Variants in CCDC57 observed in about 807,000 individuals in gnomAD.
CCDC57 encodes coiled-coil domain containing 57, also known as coiled-coil domain-containing protein 57.
In CCDC57, 118 loss-of-function variants were observed where a neutral mutation model predicts 118.9. The ratio of observed to expected loss-of-function variants is 0.99; its 90% CI spans 0.86 to 1.16. The LOEUF (loss-of-function observed/expected upper bound fraction) is 1.16, where lower values mean the gene tolerates loss of function less well. Among genes scored for constraint, CCDC57 ranks in the 50% most tolerant of loss-of-function variants. CCDC57 has a pLI of 0.00. For synonymous variants in CCDC57, 527 were observed against 532.9 expected (o/e 0.99, Z 0.15); for missense variants, 1,300 against 1,320.7 (o/e 0.98, Z 0.24).
At chr17:82,208,558 T>C (rs1415464163) in intron 1 of CCDC57, among the ~76,000 whole-genome samples, 1 of 152,196 alleles carries the variant, frequency 6.6e-6, no homozygotes, top group African/African-American at 2.4e-5. Context: ...CCTGGCCTAA[T>C]ACCCTTAACT....
chr17:82,127,467 T>G, intron 19 of CCDC57: 2 of 985,358 alleles, frequency 2.0e-6, no homozygotes, highest in Non-Finnish European at 2.4e-6. Context: ...GGTGCTGCAC[T>G]AGGAAATGGC....
At chr17:82,164,190 A>G (rs753940999) in intron 13 of CCDC57, among the ~76,000 whole-genome samples, 2 of 152,124 alleles carry the variant, frequency 1.3e-5, no homozygotes, top group Admixed American at 6.5e-5. Context: ...AACCTGGCCA[A>G]TGTGGCAAAA....
chr17:82,200,023 G>A (rs745859039), intron 3 of CCDC57, among the ~76,000 whole-genome samples: 2 of 152,194 alleles, frequency 1.3e-5, no homozygotes, highest in East Asian at 1.9e-4. Flanking sequence ...CGATCCCTGC[G>A]GGCTGCTACA....
At chr17:82,117,576 G>C (rs997999682) in intron 19 of CCDC57, among the ~76,000 whole-genome samples, 1 of 152,118 alleles carries the variant, frequency 6.6e-6, no homozygotes, top group African/African-American at 2.4e-5. Flanking sequence ...AGGTTGAGAA[G>C]CCTGGGAGGT....
At chr17:82,198,497 T>C in intron 3 of CCDC57, 75 bp from the exon 3 acceptor site, 2 of 1,037,394 alleles carry the variant, frequency 1.9e-6, no homozygotes, top group Non-Finnish European at 2.9e-6. Flanking sequence ...AAGGTGCACT[T>C]GACATGTGAA....
intron 14 of CCDC57, chr17:82,160,097 T>C (rs1340705354): frequency 6.6e-6 from 1 of 151,942 alleles, no homozygotes; most frequent in African/African-American, 2.4e-5. Flanking sequence ...TCTAGAGAGA[T>C]GTTCTGCGTT....
intron 9 of CCDC57, among the ~76,000 whole-genome samples, chr17:82,182,281 C>CAA (rs35054649): frequency 2.0e-3 from 259 of 127,108 alleles, no homozygotes; most frequent in African/African-American, 5.6e-3. Flanking sequence ...AAGTATTTAA[C>CAA]AAAAAAAAAA....
At position 82,118,715 on chromosome 17, in the gene CCDC57, G is replaced by A. The variant is rs1176133047; in HGVS notation, c.2899+8977C>T. 1.3e-5 allele frequency among the ~76,000 whole-genome samples: 2 copies of A among 152,132 alleles called. No homozygotes were observed. Among genetic ancestry groups the A allele is most frequent in the Non-Finnish European group, 1.5e-5 (1 of 68,020 alleles). On this transcript the variant is annotated intron_variant, in intron 19 of 19. Coordinates refer to ENST00000665763, the Ensembl canonical transcript of CCDC57. This position sits in a 1 kb window ranked among gnomAD's most constrained non-coding sequence, Gnocchi z 4.7. ...CTTAGGGAGAGCTTCCGTCCGCACTGGGTGCCACTCAGTCTGCCGCGCTTT... is the reference window on the plus strand; with the variant it reads ...CTTAGGGAGAGCTTCCGTCCGCACTAGGTGCCACTCAGTCTGCCGCGCTTT...
chr17:82,157,553 C>T (rs1279884347), intron 15 of CCDC57, 195 bp downstream of exon 14: 4 of 1,430,048 alleles, frequency 2.8e-6, no homozygotes, highest in Admixed American at 2.9e-5. Context: ...GAAGAGGAGG[C>T]GTGTGGAGGA....
At chr17:82,128,001 C>T in intron 18 of CCDC57, 93 bp from the exon 18 acceptor site, 8 of 1,513,008 alleles carry the variant, frequency 5.3e-6, no homozygotes, top group Admixed American at 2.5e-5. Context: ...AGCAGTAAGG[C>T]GACAGTGGGC....
intron 16 of CCDC57, among the ~76,000 whole-genome samples, chr17:82,137,834 TG>T (rs1173299469): frequency 6.6e-6 from 1 of 151,166 alleles, no homozygotes; most frequent in Non-Finnish European, 1.5e-5. Context: ...CCACCATGCC[TG>T]GCTAATTTTT....
chr17:82,179,059 G>A lies in CCDC57; in HGVS notation c.1342C>T (p.Leu448=), dbSNP rs578044016. The change falls in exon 10 of 20, where the codon CTG becomes TTG. Residue 448 remains leucine, a synonymous_variant. Transcript: ENST00000665763. ...TTTGCCATGCTCAGACCCTGAATCA[G>A]GGCCTCTGACTTTTGGATCTGGTCC... The A allele has an allele frequency of 5.0e-6, 8 of 1,613,952 alleles. No homozygotes were observed. In the African/African-American group the frequency reaches 1.1e-4, roughly 22 times the overall value.
At chr17:82,103,780 T>C (rs527646486) in intron 19 of CCDC57, among the ~76,000 whole-genome samples, 1 of 152,206 alleles carries the variant, frequency 6.6e-6, no homozygotes, top group African/African-American at 2.4e-5. Flanking sequence ...ACCCTGGCTG[T>C]ATCCCGGGGC....
exon 7 of CCDC57, chr17:82,193,782 C>A: frequency 1.9e-6 from 3 of 1,601,442 alleles, no homozygotes; most frequent in Non-Finnish European, 1.7e-6. Context: ...CCTCTTCCTT[C>A]TTCCTGGTTA....
At chr17:82,171,844 A>G (rs1568352685) in exon 13 of CCDC57, 2 of 1,612,814 alleles carry the variant, frequency 1.2e-6, no homozygotes, top group Non-Finnish European at 1.7e-6. Flanking sequence ...TTCAAGGGCC[A>G]GAACATAATC....
At chr17:82,122,615 G>A (rs1012194407) in intron 19 of CCDC57, among the ~76,000 whole-genome samples, 4 of 152,246 alleles carry the variant, frequency 2.6e-5, no homozygotes, top group African/African-American at 7.2e-5. Context: ...TCTGACCCAG[G>A]AGCCTCCTGT....
chr17:82,169,754 G>T (rs2044448544), intron 13 of CCDC57, among the ~76,000 whole-genome samples: 1 of 152,210 alleles, frequency 6.6e-6, no homozygotes, highest in Non-Finnish European at 1.5e-5. Flanking sequence ...TCATTATTGG[G>T]AAAGGAAGTT....
At chr17:82,158,596 G>A (rs1264248304) in intron 14 of CCDC57, among the ~76,000 whole-genome samples, 1 of 150,440 alleles carries the variant, frequency 6.6e-6, no homozygotes, top group African/African-American at 2.5e-5. Flanking sequence ...GCTGAGGCAG[G>A]AGAATGGCAT....
chr17:82,131,998 A>G (rs1261641695), intron 17 of CCDC57, among the ~76,000 whole-genome samples: 1 of 151,322 alleles, frequency 6.6e-6, no homozygotes, highest in Non-Finnish European at 1.5e-5. Context: ...GGCGCCTGTA[A>G]TCCTAGCTAC....
Sources: allele counts gnomAD v4.1 joint callset (sites outside exome capture counted in the v4.1 genomes callset), GRCh38; gene constraint gnomAD v4.1.1; non-coding constraint Gnocchi (gnomAD v3.1); transcripts MANE v1.5; gene names NCBI Gene and HGNC (gene_info 2026-07-23, HGNC 2026-07-21).